Variants in KYAT3 observed in about 807,000 individuals in gnomAD.
The protein encoded by KYAT3 is kynurenine aminotransferase 3, also known as kynurenine--oxoglutarate transaminase 3.
A neutral mutation model predicts 59.0 loss-of-function variants in KYAT3; 50 were observed. The ratio of observed to expected loss-of-function variants is 0.85; its 90% confidence interval spans 0.68 to 1.07. The LOEUF (loss-of-function observed/expected upper bound fraction) is 1.07, where lower values mean the gene tolerates loss of function less well. KYAT3 is among the 50% of genes least tolerant of loss of function. KYAT3 has a pLI of 0.00. For synonymous variants in KYAT3, 148 were observed against 177.0 expected (o/e 0.84, Z 1.30); for missense variants, 497 against 533.3 (o/e 0.93, Z 0.67).
chr1:88,934,189 T>G (rs536871640), downstream of KYAT3, among the ~76,000 whole-genome samples: 1 of 152,294 alleles, frequency 6.6e-6, no homozygotes, highest in Admixed American at 6.5e-5. Flanking sequence ...GTGCGGTGGC[T>G]CATGCCTATA....
intron 11 of KYAT3, among the ~76,000 whole-genome samples, 154 bp downstream of exon 11, chr1:88,948,937 A>G (rs1444378098): frequency 6.6e-6 from 1 of 152,240 alleles, no homozygotes; most frequent in Admixed American, 6.5e-5. Flanking sequence ...CTAAAAGTAA[A>G]GATAATTATA....
intron 13 of KYAT3, among the ~76,000 whole-genome samples, chr1:88,942,360 C>T (rs181067176): frequency 2.6e-5 from 4 of 151,816 alleles, no homozygotes; most frequent in East Asian, 1.9e-4. Context: ...GCTTTAAAGT[C>T]CTTGTCTGCT....
At chr1:88,992,045 C>T (rs1677833065) in intron 1 of KYAT3, among the ~76,000 whole-genome samples, 1 of 149,948 alleles carries the variant, frequency 6.7e-6, no homozygotes, top group East Asian at 2.0e-4. Flanking sequence ...GTGGCCCGAT[C>T]TCGGCTCACT....
chr1:88,966,062 C>T (rs939877748), intron 4 of KYAT3, among the ~76,000 whole-genome samples: 4 of 152,264 alleles, frequency 2.6e-5, no homozygotes, highest in Admixed American at 6.5e-5. Flanking sequence ...ATTACAATCG[C>T]TCCTCAATAT....
rs12060912 is a variant in KYAT3 at position 88,956,597 on chromosome 1, G to A, written c.788-1372C>T. The stretch of plus-strand genomic sequence containing the variant: ...AGTGTGATAAATGCTGTAGTAGGAG[G>A]CATGGAGGGTGATGCAAGAATAGAA... On this transcript the variant is annotated intron_variant, in intron 8 of 13. Coordinates refer to ENST00000260508, the MANE Select transcript of KYAT3 (RefSeq NM_001008661.3). Among the ~76,000 whole-genome samples, 1,210 of 152,272 alleles carry A rather than the reference G, an allele frequency of 7.9e-3. 16 individuals carry two copies. The highest frequency in any genetic ancestry group is 0.027 in the African/African-American group (1,108 of 41,558).
At chr1:88,982,651 T>G in intron 2 of KYAT3, 1 of 1,587,806 alleles carries the variant, frequency 6.3e-7, no homozygotes, top group Non-Finnish European at 8.6e-7. Flanking sequence ...GTTTTGTTTG[T>G]TTCTAGTATC....
rs1020119334 is a variant in KYAT3 at position 88,968,746 on chromosome 1, G to C, written c.227C>G (p.Ser76Cys). ...TTCTTCTTTTACATATGTAGGAGGG[G>C]ATATATCTGGAAAGCCTTGGCCAAG... The part of the protein sequence containing the change: ...VNLGQGFPDI[S>C]PPTYVKEELS... The change falls in exon 4 of 14, where the codon TCC (serine) becomes TGC (cysteine). Residue 76 changes from serine to cysteine, a missense_variant. Around this residue, in one of 2 missense-constraint regions of KYAT3, gnomAD observed 469 missense variants for 479.1 expected, o/e 0.98. Transcript: ENST00000260508. 1.2e-6 allele frequency: 2 copies of C among 1,601,082 alleles called. No homozygotes were observed. Among genetic ancestry groups the C allele is most frequent in the Non-Finnish European group, 1.7e-6 (2 of 1,176,038 alleles).
intron 2 of KYAT3, among the ~76,000 whole-genome samples, 199 bp from the exon 3 acceptor site, chr1:88,969,666 T>C (rs903206206): frequency 1.3e-5 from 2 of 152,048 alleles, no homozygotes; most frequent in Admixed American, 6.6e-5. Flanking sequence ...TTTTTTTTTT[T>C]TCTCAGACGT....
chr1:88,958,714 GACAAGTATGA>G (rs1371874778), intron 8 of KYAT3, among the ~76,000 whole-genome samples: 1 of 152,160 alleles, frequency 6.6e-6, no homozygotes, highest in African/African-American at 2.4e-5. Flanking sequence ...TTTTGTTGTG[GACAAGTATGA>G]ACAGAAGTGT....
At chr1:88,924,963 C>G in the KYAT3 span, among the ~76,000 whole-genome samples, 1 of 152,208 alleles carries the variant, frequency 6.6e-6, no homozygotes, top group Non-Finnish European at 1.5e-5. Context: ...GAACATGAGG[C>G]TTGCCACCAT....
At position 88,943,218 on chromosome 1, in the gene KYAT3, G is replaced by T. The variant is rs150357443; in HGVS notation, c.1216-127C>A. On this transcript the variant is annotated intron_variant, in intron 12 of 13. Transcript: ENST00000260508. ...CACAATAATTTCCAAAAAGAAAAAT[G>T]CTTTTAAAAGCCACAAGTGGAGTAT... 1,611 of 1,012,282 alleles carry T rather than the reference G, an allele frequency of 1.6e-3. 20 individuals carry two copies. In the African/African-American group the frequency reaches 0.022, roughly 14 times the overall value. 62.7% of individuals were successfully genotyped at this position (1,012,282 alleles called of 1,614,324 possible).
intron 10 of KYAT3, among the ~76,000 whole-genome samples, chr1:88,952,808 A>G (rs1675735957): frequency 6.6e-6 from 1 of 152,176 alleles, no homozygotes. Context: ...TGGTGTTGCC[A>G]TTGTCCTTCA....
At chr1:88,992,458 C>G (rs905397100) in intron 1 of KYAT3, 127 bp downstream of exon 1, 1 of 152,824 alleles carries the variant, frequency 6.5e-6, no homozygotes, top group Non-Finnish European at 1.5e-5. Context: ...CAGCCACCCC[C>G]GCAGGCGGCC....
At chr1:88,944,837 A>AATTT (rs747891352) in intron 11 of KYAT3, among the ~76,000 whole-genome samples, 8 of 151,906 alleles carry the variant, frequency 5.3e-5, no homozygotes, top group Non-Finnish European at 1.2e-4. Context: ...AGACAAAAGG[A>AATTT]ATTTATTTAT....
At chr1:88,925,723 AGAGAGACAGAG>A in the KYAT3 span, among the ~76,000 whole-genome samples, 2 of 151,972 alleles carry the variant, frequency 1.3e-5, no homozygotes, top group African/African-American at 2.4e-5. Context: ...GACAGAGGAG[AGAGAGACAGAG>A]GAGAGACAGA....
rs141639093 is a variant in KYAT3, at chr1:88,963,221, T to C, written c.454-1076A>G. Among the ~76,000 whole-genome samples, 244 of 151,304 alleles carry C rather than the reference T, an allele frequency of 1.6e-3. 1 individual carries two copies. The highest frequency in any genetic ancestry group is 5.8e-3 in the African/African-American group (239 of 41,196). On this transcript the variant is annotated intron_variant, in intron 5 of 13. Coordinates refer to ENST00000260508, the MANE Select transcript of KYAT3 (RefSeq NM_001008661.3). ...GGTTTCAAAATACTAGATAAGTTGA[T>C]GAAGGAAGAAAGAATAGAGGAAAGA...
chr1:88,924,495 C>T, the KYAT3 span, among the ~76,000 whole-genome samples: 6 of 152,196 alleles, frequency 3.9e-5, no homozygotes, highest in Non-Finnish European at 8.8e-5. Context: ...TTGCACTATT[C>T]ACCCACAGAC....
chr1:88,983,555 C>G (rs1183599036), intron 2 of KYAT3: 2 of 1,614,150 alleles, frequency 1.2e-6, no homozygotes, highest in African/African-American at 1.3e-5. Context: ...ATGTCTACCT[C>G]TTTCAAATGA....
At chr1:88,925,035 G>T in the KYAT3 span, among the ~76,000 whole-genome samples, 1 of 152,208 alleles carries the variant, frequency 6.6e-6, no homozygotes, top group Non-Finnish European at 1.5e-5. Context: ...GTAACATTTG[G>T]TGACCACGAA....
Sources: allele counts gnomAD v4.1 joint callset (sites outside exome capture counted in the v4.1 genomes callset), GRCh38; gene constraint gnomAD v4.1.1; regional missense constraint gnomAD v4.1.1; transcripts MANE v1.5; gene names NCBI Gene and HGNC (gene_info 2026-07-23, HGNC 2026-07-21).